PCDHGB2: variants seen among roughly 807,000 people sequenced by gnomAD.
PCDHGB2 encodes the protein protocadherin gamma-B2.
In PCDHGB2, 55 loss-of-function variants were observed where a neutral mutation model predicts 59.3. That is an observed-to-expected ratio of 0.93 (90% confidence interval 0.75 to 1.16). The LOEUF is 1.16. Ranked by LOEUF, PCDHGB2 falls within the 50% of genes most tolerant of loss-of-function variation. The pLI, the probability that PCDHGB2 is intolerant of heterozygous loss-of-function variation, is 0.00. For missense variants in PCDHGB2, 1,228 were observed against 1,198.5 expected, an observed-to-expected ratio of 1.02 and a Z score of -0.36; for synonymous variants, 516 against 512.0, an observed-to-expected ratio of 1.01 and a Z score of -0.11.
At chr5:141,423,251 ACCTCGGCAG>A (rs770264100) in intron 1 of PCDHGB2, 3 of 1,613,726 alleles carry the variant, frequency 1.9e-6, no homozygotes, top group African/African-American at 2.7e-5. Flanking sequence ...GTCCTGGCGG[ACCTCGGCAG>A]CCTCGAGTCT....
rs1481171398 is a variant in PCDHGB2 at position 141,455,879 on chromosome 5, ATTT to A, written c.2422-38927_2422-38925del. 3.8e-4 allele frequency among the ~76,000 whole-genome samples: 56 copies of A among 147,786 alleles called. No individual in the cohort carries two copies. In the East Asian group the frequency reaches 8.9e-3, roughly 23 times the overall value. On this transcript the variant is annotated intron_variant, in intron 1 of 3. Coordinates refer to ENST00000522605, the MANE Select transcript of PCDHGB2 (RefSeq NM_018923.3). ...TCTTTTATTATTTATTTATTTATTTATTTATTTATTTATTTATTTATTTATTTA... is the reference window on the plus strand; with the variant it reads ...TCTTTTATTATTTATTTATTTATTTAATTTATTTATTTATTTATTTATTTA...
chr5:141,404,314 A>G (rs772060934), intron 1 of PCDHGB2: 1 of 1,613,922 alleles, frequency 6.2e-7, no homozygotes, highest in East Asian at 2.2e-5. Context: ...CTTTCTCTCA[A>G]GCCTCCTACT....
At chr5:141,463,301 A>G (rs1277348576) in intron 1 of PCDHGB2, among the ~76,000 whole-genome samples, 2 of 151,638 alleles carry the variant, frequency 1.3e-5, no homozygotes, top group South Asian at 2.1e-4. Flanking sequence ...AATCTCCCCA[A>G]ACTCTAATAT....
At chr5:141,405,018 T>C (rs1413977666) in intron 1 of PCDHGB2, 5 of 1,613,834 alleles carry the variant, frequency 3.1e-6, no homozygotes, top group African/African-American at 2.7e-5. Context: ...GCCTCAGACC[T>C]TACCCTCTAC....
intron 1 of PCDHGB2, among the ~76,000 whole-genome samples, chr5:141,465,219 C>A (rs1272266733): frequency 6.6e-6 from 1 of 152,004 alleles, no homozygotes; most frequent in Non-Finnish European, 1.5e-5. Context: ...TATTTTTCAA[C>A]ATGAGCTCCA....
intron 1 of PCDHGB2, chr5:141,395,091 A>ACCG (rs771313907): frequency 6.2e-7 from 1 of 1,614,118 alleles, no homozygotes; most frequent in South Asian, 1.1e-5. Context: ...AGTCTCCCTC[A>ACCG]CCGCCGACTC....
intron 1 of PCDHGB2, among the ~76,000 whole-genome samples, chr5:141,387,387 G>C (rs2090926240): frequency 6.6e-6 from 1 of 152,214 alleles, no homozygotes; most frequent in Non-Finnish European, 1.5e-5. Context: ...TATATAGATA[G>C]TGCATGTTTG....
At chr5:141,368,154 C>CTGTAT (rs1765511938) in intron 1 of PCDHGB2, among the ~76,000 whole-genome samples, 3 of 152,024 alleles carry the variant, frequency 2.0e-5, no homozygotes, top group Admixed American at 6.6e-5. Flanking sequence ...CTTTTAAAAC[C>CTGTAT]TTGAGCATCA....
chr5:141,423,138 C>A (rs767107885), intron 1 of PCDHGB2: 3 of 1,613,606 alleles, frequency 1.9e-6, no homozygotes, highest in Non-Finnish European at 2.5e-6. Context: ...TGGACAGAGA[C>A]GCGCTCAAGC....
intron 1 of PCDHGB2, chr5:141,442,016 C>CCA (rs1561906409): frequency 4.6e-6 from 1 of 219,336 alleles, no homozygotes; most frequent in African/African-American, 2.4e-5. Context: ...GCACGATGGG[C>CCA]CACAGGAAAG....
intron 1 of PCDHGB2, among the ~76,000 whole-genome samples, chr5:141,473,873 C>CA (rs1471085914): frequency 2.6e-5 from 4 of 152,130 alleles, no homozygotes; most frequent in African/African-American, 7.2e-5. Flanking sequence ...GTGGAGAATG[C>CA]ATACACAAGG....
chr5:141,490,184 TC>T lies in PCDHGB2; in HGVS notation c.2422-4622del, dbSNP rs1293752541. The T allele has an allele frequency of 1.2e-6, 2 of 1,614,196 alleles. No individual in the cohort carries two copies. The highest frequency in any genetic ancestry group is 1.7e-6 in the Non-Finnish European group (2 of 1,180,030). On this transcript the variant is annotated intron_variant, in intron 1 of 3. Coordinates refer to ENST00000522605, the MANE Select transcript of PCDHGB2 (RefSeq NM_018923.3). This position sits in a 1 kb window ranked among gnomAD's most constrained non-coding sequence, Gnocchi z 5.4. The stretch of plus-strand genomic sequence containing the variant: ...CCCATAGACTTTGAGGAGTCACGTT[TC>T]TATGAAATTCATGCAAGAGCCCGTG...
rs2099623095 is a variant in PCDHGB2 at position 141,486,025 on chromosome 5, T to C, written c.2422-8782T>C. 1 of 1,613,958 alleles carries C rather than the reference T, an allele frequency of 6.2e-7. No individual in the cohort carries two copies. The highest frequency in any genetic ancestry group is 8.5e-7 in the Non-Finnish European group (1 of 1,179,932). The stretch of plus-strand genomic sequence containing the variant: ...ACGTCACCTTTTATTTCAGTGGTCA[T>C]ACCCCTGATCGTGTAAGAAACCTCT... On this transcript the variant is annotated intron_variant, in intron 1 of 3. Transcript: ENST00000522605. The surrounding 1 kb of genome is among the most constrained non-coding windows in gnomAD (Gnocchi z 5.0).
chr5:141,409,188 C>T lies in PCDHGB2; in HGVS notation c.2421+46632C>T, dbSNP rs1487313582. ...GCGAAGGACGGAGGTGGTCTCTCTA[C>T]CCAGTGTAAAGTAATCATAGAAATC... On this transcript the variant is annotated intron_variant, in intron 1 of 3. Transcript: ENST00000522605. 9 of 1,613,880 alleles carry T rather than the reference C, an allele frequency of 5.6e-6. No homozygotes were observed. In the Admixed American group the frequency reaches 8.3e-5, roughly 15 times the overall value.
At chr5:141,421,565 A>G (rs1373619696) in intron 1 of PCDHGB2, 1 of 1,613,952 alleles carries the variant, frequency 6.2e-7, no homozygotes, top group Admixed American at 1.7e-5. Context: ...CTCGTGGAAG[A>G]CACCTTGAAG....
intron 1 of PCDHGB2, chr5:141,393,035 CTT>C: frequency 6.2e-7 from 1 of 1,613,790 alleles, no homozygotes; most frequent in South Asian, 1.1e-5. Flanking sequence ...GGACGCAGCT[CTT>C]TGCTCTGAAC....
intron 1 of PCDHGB2, chr5:141,375,805 C>T: frequency 6.2e-7 from 1 of 1,614,214 alleles, no homozygotes; most frequent in South Asian, 1.1e-5. Flanking sequence ...GTTCCACTGG[C>T]GTGGAGCTGG....
At chr5:141,394,154 C>A (rs770076493) in intron 1 of PCDHGB2, 1 of 1,613,918 alleles carries the variant, frequency 6.2e-7, no homozygotes, top group Admixed American at 1.7e-5. Context: ...ACATTAACGA[C>A]AACCCTCCTA....
At chr5:141,374,566 T>A in intron 1 of PCDHGB2, 1 of 1,613,700 alleles carries the variant, frequency 6.2e-7, no homozygotes, top group Non-Finnish European at 8.5e-7. Context: ...ATGACCCTGA[T>A]GTGGGAATGA....
Sources: gnomAD v4.1 joint callset for allele counts (sites outside exome capture counted in the v4.1 genomes callset) on GRCh38, gnomAD v4.1.1 for gene constraint, Gnocchi (gnomAD v3.1) non-coding constraint, MANE v1.5 for transcripts, NCBI Gene and HGNC (gene_info 2026-07-23, HGNC 2026-07-21) for gene names.